Variants in SMG6 observed in about 807,000 individuals in gnomAD.
The protein encoded by SMG6 is telomerase-binding protein EST1A.
A neutral mutation model predicts 142.2 loss-of-function variants in SMG6; 66 were observed. That is an observed-to-expected ratio of 0.46 (90% CI 0.38 to 0.57). SMG6 has a LOEUF of 0.57. Ranked by LOEUF, SMG6 falls within the 20% of genes least tolerant of loss-of-function variation. The pLI is 0.00. For missense variants in SMG6, 1,793 were observed against 1,832.0 expected, an observed-to-expected ratio of 0.98 and a Z score of 0.39; for synonymous variants, 779 against 702.4, an observed-to-expected ratio of 1.11 and a Z score of -1.72.
At chr17:2,287,417 G>C (rs1454010108) in intron 6 of SMG6, among the ~76,000 whole-genome samples, 1 of 152,188 alleles carries the variant, frequency 6.6e-6, no homozygotes, top group Non-Finnish European at 1.5e-5. Context: ...CAAGGAAGTG[G>C]AGAAATCAGA....
intron 13 of SMG6, among the ~76,000 whole-genome samples, chr17:2,092,525 G>A (rs1435604289): frequency 1.3e-5 from 2 of 152,186 alleles, no homozygotes; most frequent in Non-Finnish European, 2.9e-5. Context: ...GGGGAGGTGG[G>A]AACTGGCAAA....
intron 3 of SMG6, 151 bp downstream of exon 3, chr17:2,297,712 C>T: frequency 2.6e-6 from 2 of 758,454 alleles, no homozygotes; most frequent in Non-Finnish European, 4.2e-6. Context: ...CCCAAGGAAG[C>T]AACTGGTGTA....
At chr17:2,228,554 G>C (rs1420824920) in intron 10 of SMG6, among the ~76,000 whole-genome samples, 2 of 151,852 alleles carry the variant, frequency 1.3e-5, no homozygotes, top group African/African-American at 4.8e-5. Context: ...ATGGAGGCAA[G>C]GTTTCCCCAC....
At chr17:2,288,919 A>T (rs1013707745) in intron 6 of SMG6, among the ~76,000 whole-genome samples, 3 of 151,604 alleles carry the variant, frequency 2.0e-5, no homozygotes, top group Middle Eastern at 3.2e-3. Context: ...CTCTACTAAA[A>T]ATACAAAAAA....
intron 13 of SMG6, among the ~76,000 whole-genome samples, chr17:2,092,704 G>A (rs994923684): frequency 6.6e-6 from 1 of 152,216 alleles, no homozygotes; most frequent in Non-Finnish European, 1.5e-5. Flanking sequence ...GAAGTAATGA[G>A]GTAAATAAAG....
At chr17:2,100,831 G>T (rs1410261276) in intron 13 of SMG6, among the ~76,000 whole-genome samples, 2 of 151,796 alleles carry the variant, frequency 1.3e-5, no homozygotes, top group African/African-American at 4.8e-5. Flanking sequence ...ACAGGTGTGA[G>T]CCACAGCACC....
Position 2,162,600 on chromosome 17 carries a change from C to G in SMG6, c.3357+10058G>C, listed in dbSNP as rs963219385. Reference sequence around the variant, plus strand: ...ATCCCAGCTATTCAGGAAGCTGAGGCGGGAATACTGCTTGAAGCCAGGAGT... The same window carrying G: ...ATCCCAGCTATTCAGGAAGCTGAGGGGGGAATACTGCTTGAAGCCAGGAGT... On this transcript the variant is annotated intron_variant, in intron 13 of 18. Transcript: ENST00000263073. Among the ~76,000 whole-genome samples, 3 of 149,648 alleles carry G rather than the reference C, an allele frequency of 2.0e-5. No homozygotes were observed. The East Asian group carries it at 5.9e-4, about 29-fold the overall frequency.
intron 13 of SMG6, among the ~76,000 whole-genome samples, chr17:2,155,309 G>A (rs575898646): frequency 2.0e-5 from 3 of 152,220 alleles, no homozygotes; most frequent in South Asian, 2.1e-4. Context: ...TGATCTGCCC[G>A]CCTCAGCTTT....
At chr17:2,076,904 G>C (rs1442622408) in intron 15 of SMG6, among the ~76,000 whole-genome samples, 1 of 152,166 alleles carries the variant, frequency 6.6e-6, no homozygotes, top group Non-Finnish European at 1.5e-5. Context: ...AGAAGGAGCT[G>C]ATCAGGAGAA....
intron 10 of SMG6, among the ~76,000 whole-genome samples, chr17:2,207,366 T>G (rs1196619360): frequency 6.6e-6 from 1 of 152,188 alleles, no homozygotes; most frequent in Non-Finnish European, 1.5e-5. Context: ...CATGATGGGT[T>G]TCTTTAAATA....
rs963783615 is a variant in SMG6, at chr17:2,071,277, C to G, written c.3682-2346G>C. Among the ~76,000 whole-genome samples the G allele has an allele frequency of 2.0e-5, 3 of 151,772 alleles. No homozygotes were observed. Among genetic ancestry groups the G allele is most frequent in the Non-Finnish European group, 4.4e-5 (3 of 67,922 alleles). ...AGTGGCTGCCATTTTTTTTTTTACC[C>G]TATGTGAACAGTCAGCTCCTAAGCC... On this transcript the variant is annotated intron_variant, in intron 15 of 18. Coordinates refer to ENST00000263073, the MANE Select transcript of SMG6 (RefSeq NM_017575.5). The surrounding 1 kb of genome is among the most constrained non-coding windows in gnomAD (Gnocchi z 5.6).
rs1478994719 is a variant in SMG6 at position 2,082,036 on chromosome 17, T to C, written c.3535-80A>G. ...GCTCTTACTGAACCCAACATTGCCC[T>C]TGTGGCCCCTCACCCACGCAGACTG... On this transcript the variant is annotated intron_variant, in intron 14 of 18. Coordinates refer to ENST00000263073, the MANE Select transcript of SMG6 (RefSeq NM_017575.5). 5 of 1,491,268 alleles carry C rather than the reference T, an allele frequency of 3.4e-6. No homozygotes were observed. The South Asian group carries it at 4.6e-5, about 14-fold the overall frequency. The allele number at this position is 1,491,268 out of a possible 1,614,324, so 92.4% of individuals were successfully genotyped here.
At chr17:2,172,637 G>C in intron 13 of SMG6, 21 bp downstream of exon 13, 2 of 1,611,700 alleles carry the variant, frequency 1.2e-6, no homozygotes, top group Non-Finnish European at 1.7e-6. Context: ...AATGGGGAGG[G>C]ATGTTTGGCC....
intron 6 of SMG6, among the ~76,000 whole-genome samples, chr17:2,285,537 A>G (rs2074885377): frequency 1.3e-5 from 2 of 152,194 alleles, no homozygotes; most frequent in South Asian, 4.1e-4. Flanking sequence ...GAAAAAAAAG[A>G]AATTAAGAAA....
intron 8 of SMG6, among the ~76,000 whole-genome samples, chr17:2,263,491 T>C (rs974226626): frequency 6.6e-6 from 1 of 152,156 alleles, no homozygotes; most frequent in Non-Finnish European, 1.5e-5. Context: ...CTATAATAAA[T>C]GCTCAACAAA....
intron 8 of SMG6, among the ~76,000 whole-genome samples, chr17:2,257,087 CTTTT>C (rs561017088): frequency 2.2e-5 from 3 of 134,760 alleles, no homozygotes; most frequent in East Asian, 2.1e-4. Flanking sequence ...GGGATTCTTC[CTTTT>C]TTTTTTTTTT....
chr17:2,183,745 GACACAC>G (rs56210030), intron 12 of SMG6, among the ~76,000 whole-genome samples: 18,360 of 146,142 alleles, frequency 0.13, 1,352 homozygotes, highest in Middle Eastern at 0.18. Context: ...AGGTGCGTGC[GACACAC>G]ACACACACAC....
At position 2,282,743 on chromosome 17, in the gene SMG6, G is replaced by T. The variant is rs781684655; in HGVS notation, c.2565C>A (p.Ile855=). 5 of 1,614,210 alleles carry T rather than the reference G, an allele frequency of 3.1e-6. No homozygotes were observed. In the Admixed American group the frequency reaches 8.3e-5, roughly 27 times the overall value. ...ACCGTGGATGGGATGGATGAATCCAGATCTCCAGGCGAGTGGTGTCATCTC... is the reference window on the plus strand; with the variant it reads ...ACCGTGGATGGGATGGATGAATCCATATCTCCAGGCGAGTGGTGTCATCTC... The part of the protein sequence containing the change: ...HVGDDTTRLE[I]WIHPSHPRSS... Residue 855 remains isoleucine (I), a synonymous_variant, in exon 8 of 19, where the codon ATC becomes ATA. Coordinates refer to ENST00000263073, the MANE Select transcript of SMG6 (RefSeq NM_017575.5).
chr17:2,265,466 C>A (rs189470260), intron 8 of SMG6, among the ~76,000 whole-genome samples: 1 of 151,800 alleles, frequency 6.6e-6, no homozygotes, highest in Non-Finnish European at 1.5e-5. Flanking sequence ...GCTGAGATTG[C>A]GCCACTGCAC....
Sources: allele counts gnomAD v4.1 joint callset (sites outside exome capture counted in the v4.1 genomes callset), GRCh38; gene constraint gnomAD v4.1.1; non-coding constraint Gnocchi (gnomAD v3.1); transcripts MANE v1.5; gene names NCBI Gene and HGNC (gene_info 2026-07-23, HGNC 2026-07-21).